The following CDH2 variants were observed in gnomAD, a reference collection of about 807,000 sequenced individuals.
The protein encoded by CDH2 is cadherin 2.
In CDH2, 17 loss-of-function variants were observed where a neutral mutation model predicts 92.0. The observed-to-expected ratio is 0.18, with a 90% CI of 0.13 to 0.28. The LOEUF (loss-of-function observed/expected upper bound fraction) is 0.28, where lower values mean the gene tolerates loss of function less well. Among genes scored for constraint, CDH2 ranks in the 10% least tolerant of loss-of-function variants. The pLI, the probability that CDH2 is intolerant of heterozygous loss-of-function variation, is 1.00. For synonymous variants in CDH2, 419 were observed against 415.9 expected (o/e 1.01, Z -0.09); for missense variants, 862 against 1,133.1 (o/e 0.76, Z 3.44).
intron 2 of CDH2, among the ~76,000 whole-genome samples, chr18:28,110,428 A>T (rs967693148): frequency 6.6e-6 from 1 of 152,202 alleles, no homozygotes; most frequent in Admixed American, 6.5e-5. Flanking sequence ...TTTAGGAAAA[A>T]GGGAGTAATG....
chr18:27,944,578 G>A (rs1256791659), intron 6 of CDH2, among the ~76,000 whole-genome samples: 2 of 151,816 alleles, frequency 1.3e-5, no homozygotes, highest in Non-Finnish European at 2.9e-5. Flanking sequence ...TAATCAACAG[G>A]CTTCACCTCT....
At chr18:28,011,241 G>C (rs1442737489) in intron 4 of CDH2, among the ~76,000 whole-genome samples, 1 of 151,552 alleles carries the variant, frequency 6.6e-6, no homozygotes, top group Non-Finnish European at 1.5e-5. Context: ...TTATTAAAAT[G>C]CAAAAATATC....
intron 1 of CDH2, among the ~76,000 whole-genome samples, chr18:28,149,223 T>C (rs566820849): frequency 6.6e-6 from 1 of 152,294 alleles, no homozygotes; most frequent in African/African-American, 2.4e-5. Context: ...CCAGTTGACA[T>C]GTGCAGGAAT....
At chr18:28,175,925 G>C (rs912320826) in intron 1 of CDH2, among the ~76,000 whole-genome samples, 1 of 152,196 alleles carries the variant, frequency 6.6e-6, no homozygotes. Context: ...CGCCCAGCTA[G>C]AGGGTCCCGG....
chr18:28,053,650 T>C (rs943723814), intron 2 of CDH2, among the ~76,000 whole-genome samples: 2 of 152,214 alleles, frequency 1.3e-5, no homozygotes, highest in Non-Finnish European at 2.9e-5. Flanking sequence ...AAATACTGTC[T>C]GAACAGGCTG....
chr18:27,950,121 A>G (rs1909378055), downstream of CDH2, among the ~76,000 whole-genome samples: 1 of 152,146 alleles, frequency 6.6e-6, no homozygotes, highest in Non-Finnish European at 1.5e-5. Flanking sequence ...AAGCTCTGGC[A>G]TTTAATGATT....
chr18:28,120,847 T>C (rs2015576385), intron 2 of CDH2, among the ~76,000 whole-genome samples: 1 of 152,158 alleles, frequency 6.6e-6, no homozygotes, highest in Non-Finnish European at 1.5e-5. Context: ...TTTGTTGTTG[T>C]TTTTATTTCC....
At chr18:28,085,472 A>G (rs1174625141) in intron 2 of CDH2, among the ~76,000 whole-genome samples, 2 of 151,954 alleles carry the variant, frequency 1.3e-5, no homozygotes. Flanking sequence ...TCAAATCTTA[A>G]CTGTCCAAGG....
chr18:28,096,590 T>C (rs2015139342), intron 2 of CDH2, among the ~76,000 whole-genome samples: 2 of 152,154 alleles, frequency 1.3e-5, no homozygotes, highest in South Asian at 4.1e-4. Flanking sequence ...AAAAAAGCTA[T>C]AAGCATTAAG....
chr18:28,072,782 A>T (rs547608938), intron 2 of CDH2, among the ~76,000 whole-genome samples: 9 of 152,388 alleles, frequency 5.9e-5, no homozygotes, highest in Non-Finnish European at 1.3e-4. Flanking sequence ...ACACAAAGCA[A>T]TAATTTCTGC....
intron 1 of CDH2, among the ~76,000 whole-genome samples, chr18:28,174,436 G>A (rs562058554): frequency 2.0e-5 from 3 of 152,196 alleles, no homozygotes; most frequent in Admixed American, 1.3e-4. Flanking sequence ...AAACTGCTCT[G>A]CTTCCACTCC....
chr18:27,987,018 G>A (rs977267673), intron 11 of CDH2, among the ~76,000 whole-genome samples: 1 of 152,200 alleles, frequency 6.6e-6, no homozygotes, highest in African/African-American at 2.4e-5. Flanking sequence ...AAAGGAAAGT[G>A]CAATTGCAAA....
intron 6 of CDH2, among the ~76,000 whole-genome samples, chr18:28,003,833 G>C (rs189633006): frequency 6.6e-6 from 1 of 152,238 alleles, no homozygotes; most frequent in East Asian, 1.9e-4. Context: ...CCTTTGTATC[G>C]AATTAGTTCA....
At chr18:28,171,352 A>G (rs1229561921) in intron 1 of CDH2, among the ~76,000 whole-genome samples, 1 of 152,046 alleles carries the variant, frequency 6.6e-6, no homozygotes. Flanking sequence ...CCTGAAGGCT[A>G]TCTTCTCTCA....
chr18:27,955,759 C>CTTTTTTTTTTTTT (rs1219088194), intron 15 of CDH2, among the ~76,000 whole-genome samples: 4 of 25,956 alleles, frequency 1.5e-4, no homozygotes, highest in East Asian at 2.2e-3. Context: ...TTCTTTATTT[C>CTTTTTTTTTTTTT]TGTTTTTTTT....
At chr18:28,080,889 T>C (rs1220277003) in intron 2 of CDH2, among the ~76,000 whole-genome samples, 2 of 152,208 alleles carry the variant, frequency 1.3e-5, no homozygotes, top group Non-Finnish European at 2.9e-5. Context: ...ACAGATTTCC[T>C]ATAAACTTAG....
At chr18:28,062,767 A>G (rs566481080) in intron 2 of CDH2, among the ~76,000 whole-genome samples, 11 of 152,310 alleles carry the variant, frequency 7.2e-5, no homozygotes, top group African/African-American at 2.6e-4. Context: ...TGAGGTCAGG[A>G]GTTTGAGACC....
chr18:28,003,763 C>T (rs1482793572), intron 6 of CDH2, among the ~76,000 whole-genome samples: 2 of 152,198 alleles, frequency 1.3e-5, no homozygotes, highest in African/African-American at 4.8e-5. Flanking sequence ...ATTAAAAGAA[C>T]ATTGGAACCA....
At chr18:28,133,450 T>C (rs2015807093) in intron 2 of CDH2, among the ~76,000 whole-genome samples, 2 of 151,754 alleles carry the variant, frequency 1.3e-5, no homozygotes, top group African/African-American at 4.8e-5. Context: ...GGGTGTGGTG[T>C]GGGTGCCTGC....
Sources: allele counts gnomAD v4.1 joint callset (sites outside exome capture counted in the v4.1 genomes callset), GRCh38; gene constraint gnomAD v4.1.1; transcripts MANE v1.5; gene names NCBI Gene and HGNC (gene_info 2026-07-23, HGNC 2026-07-21).